CADPS: variants seen among roughly 807,000 people sequenced by gnomAD.
The protein encoded by CADPS is calcium dependent secretion activator.
A neutral mutation model predicts 167.3 loss-of-function variants in CADPS; 57 were observed. The observed-to-expected ratio is 0.34, with a 90% CI of 0.28 to 0.42. The LOEUF (loss-of-function observed/expected upper bound fraction) is 0.42, where lower values mean the gene tolerates loss of function less well. Among genes scored for constraint, CADPS ranks in the 20% least tolerant of loss-of-function variants. The probability of loss-of-function intolerance (pLI) is 1.00; values close to 1 mark genes in which losing one functional copy is unlikely to be tolerated. For missense variants in CADPS, 1,414 were observed against 1,738.1 expected (o/e 0.81, Z 3.32); for synonymous variants, 676 against 635.3 (o/e 1.06, Z -0.96).
chr3:62,574,822 G>T (rs2081974793), intron 8 of CADPS, among the ~76,000 whole-genome samples: 1 of 152,194 alleles, frequency 6.6e-6, no homozygotes, highest in African/African-American at 2.4e-5. Context: ...TGAAGTATAA[G>T]CATGAGGCAT....
At chr3:62,450,500 C>A (rs755973490) in intron 26 of CADPS, among the ~76,000 whole-genome samples, 4 of 152,232 alleles carry the variant, frequency 2.6e-5, no homozygotes, top group African/African-American at 4.8e-5. Flanking sequence ...GAGGCAAGAA[C>A]TGTGACTTCA....
At chr3:62,659,822 TG>T (rs2072721921) in intron 4 of CADPS, among the ~76,000 whole-genome samples, 1 of 152,144 alleles carries the variant, frequency 6.6e-6, no homozygotes, top group Admixed American at 6.6e-5. Context: ...GCCACTGGCA[TG>T]AACGAACATT....
At chr3:62,691,935 A>T (rs959215223) in intron 3 of CADPS, among the ~76,000 whole-genome samples, 5 of 152,180 alleles carry the variant, frequency 3.3e-5, no homozygotes, top group Admixed American at 3.3e-4. Context: ...ACTAAAAATA[A>T]AAGTTGAAGA....
rs189872097 is a variant in CADPS at position 62,476,356 on chromosome 3, T to A, written c.3329+1905A>T. Among the ~76,000 whole-genome samples, 3 of 152,328 alleles carry A rather than the reference T, an allele frequency of 2.0e-5. No homozygotes were observed. In the East Asian group the frequency reaches 5.8e-4, roughly 29 times the overall value. ...ACTCGTCCATGCTCTGTCCTCTGAA[T>A]CTGTAGGTCCGGGGGTATTTCCACC... On this transcript the variant is annotated intron_variant, in intron 23 of 29. Coordinates refer to ENST00000383710, the MANE Select transcript of CADPS (RefSeq NM_003716.4).
intron 8 of CADPS, among the ~76,000 whole-genome samples, chr3:62,575,566 C>T (rs2082102159): frequency 6.6e-6 from 1 of 152,122 alleles, no homozygotes; most frequent in African/African-American, 2.4e-5. Flanking sequence ...TCATTATATA[C>T]TATTATTCCT....
At chr3:62,402,238 G>C (rs1043478859) in intron 29 of CADPS, among the ~76,000 whole-genome samples, 1 of 124,850 alleles carries the variant, frequency 8.0e-6, no homozygotes, top group African/African-American at 2.9e-5. Context: ...CGGGGTGGGG[G>C]CGGGGGGGGG....
intron 18 of CADPS, among the ~76,000 whole-genome samples, chr3:62,497,249 G>A (rs191924269): frequency 1.0e-3 from 152 of 152,226 alleles, no homozygotes; most frequent in African/African-American, 3.2e-3. Context: ...AAAATAACTT[G>A]ATTATAAATC....
At chr3:62,445,720 A>C (rs1210180418) in intron 27 of CADPS, 45 bp downstream of exon 27, 6 of 1,389,812 alleles carry the variant, frequency 4.3e-6, no homozygotes, top group Middle Eastern at 2.0e-4. Flanking sequence ...ATGAAAAAAA[A>C]AAAAAACAAA....
At chr3:62,443,610 CAGG>C (rs1024787947) in intron 27 of CADPS, among the ~76,000 whole-genome samples, 3 of 152,102 alleles carry the variant, frequency 2.0e-5, no homozygotes, top group African/African-American at 7.2e-5. Context: ...AGTGAGTTCT[CAGG>C]AGATGTCATG....
intron 6 of CADPS, among the ~76,000 whole-genome samples, chr3:62,629,016 C>A (rs2064726062): frequency 6.6e-6 from 1 of 152,138 alleles, no homozygotes; most frequent in African/African-American, 2.4e-5. Flanking sequence ...GCTTGGAGGA[C>A]TGCAATAGGC....
rs746016887 is a variant in CADPS at position 62,478,242 on chromosome 3, T to A, written c.3329+19A>T. ...TGGTGGGGAGGGTGTGCAGAACCTG[T>A]CCAGCCACCTATACTTACCTTTTGA... On this transcript the variant is annotated intron_variant, in intron 23 of 29. Transcript: ENST00000383710. This position sits in a 1 kb window ranked among gnomAD's most constrained non-coding sequence, Gnocchi z 5.7. The A allele has an allele frequency of 6.2e-7, 1 of 1,613,168 alleles. No homozygotes were observed. The highest frequency in any genetic ancestry group is 1.1e-5 in the South Asian group (1 of 91,012).
chr3:62,748,344 C>CAAAAA lies in CADPS; in HGVS notation c.888+5092_888+5096dup, dbSNP rs60942307. ...CTGGGCGAGAAGCGAGACTCCGTCT[C>CAAAAA]AAAAAAAAAAAAAAAAAAAAAAAAA... On this transcript the variant is annotated intron_variant, in intron 3 of 29. Coordinates refer to ENST00000383710, the MANE Select transcript of CADPS (RefSeq NM_003716.4). Among the ~76,000 whole-genome samples the CAAAAA allele has an allele frequency of 3.3e-4, 16 of 48,494 alleles. 1 individual carries two copies. In the South Asian group the frequency reaches 5.9e-3, roughly 18 times the overall value. 31.8% of individuals were successfully genotyped at this position (48,494 alleles called of 152,430 possible). A position where few individuals can be genotyped will look rare whatever the true frequency, so the allele number is the denominator to read the frequency against.
intron 1 of CADPS, among the ~76,000 whole-genome samples, chr3:62,812,968 G>A (rs1353178679): frequency 2.6e-5 from 4 of 152,050 alleles, no homozygotes; most frequent in Admixed American, 6.6e-5. Flanking sequence ...GGACAAAAAC[G>A]TTTAAACACA....
At chr3:62,810,792 G>C (rs539603235) in intron 1 of CADPS, among the ~76,000 whole-genome samples, 3 of 152,098 alleles carry the variant, frequency 2.0e-5, no homozygotes, top group Non-Finnish European at 4.4e-5. Flanking sequence ...TTCCACTCCC[G>C]GTCCACAAGT....
Position 62,468,842 on chromosome 3 carries a change from T to A in CADPS, c.3478-2429A>T, listed in dbSNP as rs192018842. Among the ~76,000 whole-genome samples the A allele has an allele frequency of 3.9e-5, 6 of 152,340 alleles. No individual in the cohort carries two copies. In the East Asian group the frequency reaches 1.2e-3, roughly 29 times the overall value. ...TCTCTCCCATCCAGGGGAAACTTTA[T>A]CATGTCAATCTCTGTTGGTCTATTT... On this transcript the variant is annotated intron_variant, in intron 24 of 29. Coordinates refer to ENST00000383710, the MANE Select transcript of CADPS (RefSeq NM_003716.4).
intron 11 of CADPS, among the ~76,000 whole-genome samples, chr3:62,543,132 T>C (rs372497603): frequency 3.3e-5 from 5 of 152,180 alleles, no homozygotes; most frequent in African/African-American, 1.2e-4. Context: ...TTAGACCTGA[T>C]TGTGGGAACA....
At chr3:62,681,480 T>C (rs2077149114) in intron 3 of CADPS, among the ~76,000 whole-genome samples, 1 of 151,862 alleles carries the variant, frequency 6.6e-6, no homozygotes, top group Non-Finnish European at 1.5e-5. Context: ...AAGAAGAAAA[T>C]GGATCTTCCT....
At chr3:62,616,015 T>C (rs1305732279) in intron 6 of CADPS, among the ~76,000 whole-genome samples, 1 of 152,076 alleles carries the variant, frequency 6.6e-6, no homozygotes, top group Non-Finnish European at 1.5e-5. Context: ...TCTAAAGATG[T>C]CTATGTGTTT....
At chr3:62,804,947 A>T (rs2093998913) in intron 1 of CADPS, among the ~76,000 whole-genome samples, 1 of 152,178 alleles carries the variant, frequency 6.6e-6, no homozygotes, top group Non-Finnish European at 1.5e-5. Context: ...TTTAAGAACC[A>T]ATATCAAGAA....
Sources: gnomAD v4.1 joint callset for allele counts (sites outside exome capture counted in the v4.1 genomes callset) on GRCh38, gnomAD v4.1.1 for gene constraint, Gnocchi (gnomAD v3.1) non-coding constraint, MANE v1.5 for transcripts, NCBI Gene and HGNC (gene_info 2026-07-23, HGNC 2026-07-21) for gene names.